The following TRIM38 variants were observed in gnomAD, a reference collection of about 807,000 sequenced individuals.
TRIM38 encodes E3 ubiquitin-protein ligase TRIM38.
TRIM38 carries 35 observed loss-of-function variants against 35.8 expected under a neutral mutation model. The ratio of observed to expected loss-of-function variants is 0.98; its 90% confidence interval spans 0.75 to 1.30. TRIM38 has a LOEUF of 1.30. Ranked by LOEUF, TRIM38 falls within the 50% of genes most tolerant of loss-of-function variation. The pLI, the probability that TRIM38 is intolerant of heterozygous loss-of-function variation, is 0.00. For missense variants in TRIM38, 545 were observed against 556.9 expected (o/e 0.98, Z 0.21); for synonymous variants, 198 against 204.7 (o/e 0.97, Z 0.28).
At chr6:25,972,206 A>C in intron 5 of TRIM38, 107 bp downstream of exon 5, 1 of 961,634 alleles carries the variant, frequency 1.0e-6, no homozygotes, top group Non-Finnish European at 1.6e-6. Context: ...TTAGATGTAC[A>C]TCAGTGCCAT....
At chr6:25,965,693 A>C (rs7768899) in intron 2 of TRIM38, among the ~76,000 whole-genome samples, 3,390 of 142,176 alleles carry the variant, frequency 0.024, 117 homozygotes, top group African/African-American at 0.081. Flanking sequence ...TGGGAGGCTG[A>C]GGCGGGTGGA....
chr6:25,988,480 C>CTTTTTTTTTTTTTT lies in TRIM38; in HGVS notation c.*4799_*4800insTTTTTTTTTTTTTT, dbSNP rs1561906506. ...GATCGTTTCTTTTCTTTTTCTTTTT[C>CTTTTTTTTTTTTTT]TTTTTTCTTTTCTTTCTTTTTTTTT... On this transcript the variant is annotated 3_prime_UTR_variant, in exon 8 of 8. Coordinates refer to ENST00000357085, the MANE Select transcript of TRIM38 (RefSeq NM_006355.5). The CTTTTTTTTTTTTTT allele has an allele frequency of 1.4e-5, 1 of 73,858 alleles. No individual in the cohort carries two copies. The highest frequency in any genetic ancestry group is 5.6e-5 in the African/African-American group (1 of 17,832). The allele number at this position is 73,858 out of a possible 1,614,324, so 4.6% of individuals were successfully genotyped here.
rs1258206808 is a variant in TRIM38 at position 25,966,493 on chromosome 6, A to G, written c.-30A>G. 1.9e-6 allele frequency: 3 copies of G among 1,556,812 alleles called. No individual in the cohort carries two copies. The highest frequency in any genetic ancestry group is 2.6e-6 in the Non-Finnish European group (3 of 1,152,698). The stretch of plus-strand genomic sequence containing the variant: ...CTGGCTGCTTCATCTCCATCTCTAG[A>G]GCCAATATTGGAGCTTTTCAATAAA... On this transcript the variant is annotated 5_prime_UTR_variant, in exon 3 of 8. Transcript: ENST00000357085.
intron 7 of TRIM38, among the ~76,000 whole-genome samples, chr6:25,975,938 G>A (rs753714052): frequency 5.9e-5 from 9 of 152,178 alleles, no homozygotes; most frequent in Non-Finnish European, 1.3e-4. Flanking sequence ...TGGGATTGCC[G>A]AGGTTGTTGT....
intron 4 of TRIM38, among the ~76,000 whole-genome samples, chr6:25,970,215 C>A (rs116700185): frequency 6.6e-6 from 1 of 152,142 alleles, no homozygotes; most frequent in African/African-American, 2.4e-5. Flanking sequence ...TGCACCCGGC[C>A]TATACTTGAT....
chr6:25,965,056 GC>G (rs1227434714), intron 2 of TRIM38, among the ~76,000 whole-genome samples: 12 of 152,126 alleles, frequency 7.9e-5, no homozygotes. Context: ...CAGGTGATCT[GC>G]CCGCCTCGGC....
Position 25,966,422 on chromosome 6 carries a change from C to T in TRIM38, c.-101C>T. On this transcript the variant is annotated 5_prime_UTR_variant, in exon 3 of 8. Coordinates refer to ENST00000357085, the MANE Select transcript of TRIM38 (RefSeq NM_006355.5). The stretch of plus-strand genomic sequence containing the variant: ...TGGAAGTCAGTTGCAGCCAGCTCAT[C>T]ACATAGAGGTGCAGGTGAGGTGTAT... 2 of 1,264,198 alleles carry T rather than the reference C, an allele frequency of 1.6e-6. No individual in the cohort carries two copies. Among genetic ancestry groups the T allele is most frequent in the Non-Finnish European group, 2.1e-6 (2 of 939,354 alleles). 78.3% of individuals were successfully genotyped at this position (1,264,198 alleles called of 1,614,324 possible).
intron 7 of TRIM38, among the ~76,000 whole-genome samples, chr6:25,980,229 C>G (rs1313954539): frequency 1.3e-5 from 2 of 152,166 alleles, no homozygotes; most frequent in Admixed American, 6.5e-5. Flanking sequence ...TTCTTTTGGT[C>G]TGCCTGATCT....
At chr6:25,967,543 TTTTTTTTC>T in intron 3 of TRIM38, among the ~76,000 whole-genome samples, 2 of 74,932 alleles carry the variant, frequency 2.7e-5, no homozygotes, top group African/African-American at 6.3e-5. Flanking sequence ...TTTTTTTTTT[TTTTTTTTC>T]CTGAGGTAGG....
intron 2 of TRIM38, among the ~76,000 whole-genome samples, chr6:25,965,032 C>G (rs111268094): frequency 0.022 from 3,399 of 152,218 alleles, 117 homozygotes; most frequent in African/African-American, 0.073. Context: ...AGGCTGGTCT[C>G]AAACTCCTGA....
At chr6:25,978,894 T>C (rs13203673) in intron 7 of TRIM38, among the ~76,000 whole-genome samples, 11,270 of 152,040 alleles carry the variant, frequency 0.074, 463 homozygotes, top group Non-Finnish European at 0.095. Context: ...TCTCAAACTC[T>C]TGGACTCAAG....
intron 7 of TRIM38, among the ~76,000 whole-genome samples, chr6:25,978,291 A>G (rs773366342): frequency 1.4e-4 from 21 of 151,748 alleles, no homozygotes; most frequent in Admixed American, 2.0e-4. Context: ...ATGGGCCACC[A>G]CATCTGGCTG....
chr6:25,967,339 A>C (rs1760088604), intron 3 of TRIM38, among the ~76,000 whole-genome samples: 3 of 152,158 alleles, frequency 2.0e-5, no homozygotes, highest in African/African-American at 7.2e-5. Context: ...TAAAGAAAAC[A>C]AACCATCAAA....
At chr6:25,965,425 T>C (rs1341607295) in intron 2 of TRIM38, among the ~76,000 whole-genome samples, 2 of 152,238 alleles carry the variant, frequency 1.3e-5, no homozygotes. Flanking sequence ...TAGATGTTTG[T>C]GTATCCTCTA....
chr6:25,984,020 C>G lies in TRIM38; in HGVS notation c.*333C>G, dbSNP rs1561904034. 5.0e-6 allele frequency: 1 copy of G among 201,234 alleles called. No homozygotes were observed. Among genetic ancestry groups the G allele is most frequent in the Non-Finnish European group, 1.0e-5 (1 of 100,188 alleles). 12.5% of individuals were successfully genotyped at this position (201,234 alleles called of 1,614,324 possible). A position where few individuals can be genotyped will look rare whatever the true frequency, so the allele number is the denominator to read the frequency against. ...CCACAAGTCAGAAGGTCTGCGTTCT[C>G]CTAGTTTGTTTGCTGCCATTTGAAC... is the stretch of plus-strand genomic sequence containing the variant. On this transcript the variant is annotated 3_prime_UTR_variant, in exon 8 of 8. Coordinates refer to ENST00000357085, the MANE Select transcript of TRIM38 (RefSeq NM_006355.5).
chr6:25,966,795 G>T lies in TRIM38; in HGVS notation c.273G>T (p.Met91Ile), dbSNP rs1760069870. ...IEALKETDQE[M>I]SCEEHGEQFH... is the part of the protein sequence containing the mutation. The stretch of plus-strand genomic sequence containing the variant: ...CCCTCAAAGAGACGGATCAAGAAAT[G>T]TCATGTGAGGAACACGGAGAGCAGT... Residue 91 changes from methionine to isoleucine, a missense_variant, in exon 3 of 8, where the codon ATG (methionine) becomes ATT (isoleucine). Met to Ile is a conservative substitution (Grantham distance 10, BLOSUM62 1). Transcript: ENST00000357085. The T allele has an allele frequency of 1.9e-6, 3 of 1,614,090 alleles. No individual in the cohort carries two copies. The highest frequency in any genetic ancestry group is 2.5e-6 in the Non-Finnish European group (3 of 1,180,038).
rs774186878 is a variant in TRIM38, at chr6:25,966,834, C to G, written c.312C>G (p.Cys104Trp). The G allele has an allele frequency of 6.2e-7, 1 of 1,614,126 alleles. No individual in the cohort carries two copies. The highest frequency in any genetic ancestry group is 8.5e-7 in the Non-Finnish European group (1 of 1,180,024). ...ACGGAGAGCAGTTCCACCTGTTCTG[C>G]GAAGACGAGGGGCAGCTCATCTGCT... is the stretch of plus-strand genomic sequence containing the variant. ...EEHGEQFHLF[C>W]EDEGQLICWR... Residue 104 changes from cysteine (C) to tryptophan (W), a missense_variant, in exon 3 of 8, where the codon TGC (cysteine) becomes TGG (tryptophan). Coordinates refer to ENST00000357085, the MANE Select transcript of TRIM38 (RefSeq NM_006355.5).
In TRIM38 at chr6:25,971,890, C is replaced by A; in HGVS notation, c.529C>A (p.Gln177Lys). The change falls in exon 5 of 8, where the codon CAA becomes AAA. Residue 177 changes from glutamine to lysine, a missense_variant. Gln to Lys is a moderately conservative substitution (Grantham distance 53). Transcript: ENST00000357085. ...KWKEKVQIQR[Q>K]KIRSDFKNLQ... Reference sequence around the variant, plus strand: ...CCAGGAGAAGGTACAGATTCAGAGACAAAAAATCCGGTCTGACTTTAAGAA... The same window carrying A: ...CCAGGAGAAGGTACAGATTCAGAGAAAAAAAATCCGGTCTGACTTTAAGAA... 1.2e-6 allele frequency: 2 copies of A among 1,614,104 alleles called. No individual in the cohort carries two copies. Among genetic ancestry groups the A allele is most frequent in the Non-Finnish European group, 1.7e-6 (2 of 1,179,968 alleles).
chr6:25,983,422 C>T lies in TRIM38; in HGVS notation c.1133C>T (p.Pro378Leu). Residue 378 changes from proline to leucine, a missense_variant, in exon 8 of 8, where the codon CCT becomes CTT. Coordinates refer to ENST00000357085, the MANE Select transcript of TRIM38 (RefSeq NM_006355.5). The stretch of plus-strand genomic sequence containing the variant: ...AGGGGCACTGGCATGAAGCAAGAGC[C>T]TCAGTCTGGATTCTGGACCCTCAGG... ...VQRGTGMKQEPQSGFWTLRLC... is the reference protein window; with the variant it reads ...VQRGTGMKQELQSGFWTLRLC... The T allele has an allele frequency of 6.2e-7, 1 of 1,614,150 alleles. No homozygotes were observed. Among genetic ancestry groups the T allele is most frequent in the South Asian group, 1.1e-5 (1 of 91,076 alleles).
Sources: allele counts gnomAD v4.1 joint callset (sites outside exome capture counted in the v4.1 genomes callset), GRCh38; gene constraint gnomAD v4.1.1; transcripts MANE v1.5; gene names NCBI Gene and HGNC (gene_info 2026-07-23, HGNC 2026-07-21).